The following GAREM1 variants were observed in gnomAD, a reference collection of about 807,000 sequenced individuals.
GAREM1 encodes the protein GRB2 associated regulator of MAPK1 subtype 1.
GAREM1 carries 26 observed loss-of-function variants against 71.3 expected under a neutral mutation model. The observed-to-expected ratio is 0.36, with a 90% CI of 0.27 to 0.51. The LOEUF (loss-of-function observed/expected upper bound fraction) is 0.51. Ranked by LOEUF, GAREM1 falls within the 20% of genes least tolerant of loss-of-function variation. The pLI, the probability that GAREM1 is intolerant of heterozygous loss-of-function variation, is 0.95. For missense variants in GAREM1, 1,026 were observed against 1,103.1 expected (o/e 0.93, Z 0.99); for synonymous variants, 440 against 433.2 (o/e 1.02, Z -0.20).
At chr18:32,398,536 C>T (rs2048280493) in intron 1 of GAREM1, among the ~76,000 whole-genome samples, 1 of 152,174 alleles carries the variant, frequency 6.6e-6, no homozygotes, top group African/African-American at 2.4e-5. Flanking sequence ...ATACTATAAA[C>T]ACCTCTATGC....
chr18:32,435,534 G>T (rs539446956), intron 1 of GAREM1, among the ~76,000 whole-genome samples: 21 of 152,134 alleles, frequency 1.4e-4, no homozygotes, highest in African/African-American at 4.6e-4. Flanking sequence ...ATCATTGGTA[G>T]ATTTTCCAAG....
intron 1 of GAREM1, among the ~76,000 whole-genome samples, chr18:32,397,742 A>AAC (rs1271505441): frequency 6.6e-6 from 1 of 152,118 alleles, no homozygotes; most frequent in South Asian, 2.1e-4. Flanking sequence ...TTAGACAGAT[A>AAC]GAGACAGAAA....
chr18:32,429,168 GC>G (rs2048601827), intron 1 of GAREM1, among the ~76,000 whole-genome samples: 1 of 152,090 alleles, frequency 6.6e-6, no homozygotes, highest in Admixed American at 6.6e-5. Flanking sequence ...AAAGGGAAAT[GC>G]CCTGTCTCAA....
intron 1 of GAREM1, among the ~76,000 whole-genome samples, chr18:32,452,278 C>G (rs533479021): frequency 5.5e-4 from 83 of 152,254 alleles, no homozygotes; most frequent in African/African-American, 1.7e-3. Context: ...TGTTGTAACA[C>G]CATCTGTCAT....
chr18:32,440,249 TG>T (rs1340772204), intron 1 of GAREM1, among the ~76,000 whole-genome samples: 2 of 152,164 alleles, frequency 1.3e-5, no homozygotes, highest in Non-Finnish European at 2.9e-5. Flanking sequence ...CTGAAGAAAG[TG>T]AGGTACAGAG....
intron 4 of GAREM1, among the ~76,000 whole-genome samples, chr18:32,278,649 C>A (rs1203925329): frequency 1.3e-5 from 2 of 152,200 alleles, no homozygotes; most frequent in African/African-American, 4.8e-5. Flanking sequence ...TCTTCCCACA[C>A]TCCCAGATAA....
chr18:32,347,568 C>T (rs2047708741), intron 2 of GAREM1, among the ~76,000 whole-genome samples: 1 of 152,094 alleles, frequency 6.6e-6, no homozygotes, highest in Admixed American at 6.5e-5. Flanking sequence ...ACAGTCTTTT[C>T]AAAGGCGAAC....
At chr18:32,413,376 G>A in intron 1 of GAREM1, 1 of 629,968 alleles carries the variant, frequency 1.6e-6, no homozygotes, top group East Asian at 2.7e-5. Context: ...AAATGTCAAT[G>A]CTGAAAACCT....
chr18:32,382,812 C>T (rs1258466195), intron 2 of GAREM1, among the ~76,000 whole-genome samples: 3 of 152,016 alleles, frequency 2.0e-5, no homozygotes, highest in Non-Finnish European at 4.4e-5. Flanking sequence ...AGACTCGCTG[C>T]ATAATTACTC....
At chr18:32,376,959 A>AT (rs2048036319) in intron 2 of GAREM1, among the ~76,000 whole-genome samples, 1 of 152,264 alleles carries the variant, frequency 6.6e-6, no homozygotes, top group Non-Finnish European at 1.5e-5. Context: ...TGTGTTAGCT[A>AT]TAACTCTTCT....
intron 1 of GAREM1, among the ~76,000 whole-genome samples, chr18:32,468,057 C>A (rs966821472): frequency 7.2e-5 from 11 of 152,194 alleles, no homozygotes; most frequent in African/African-American, 2.7e-4. Flanking sequence ...TGTGGGCAGA[C>A]TGATACTATC....
chr18:32,380,674 G>C (rs1189639542), intron 2 of GAREM1, among the ~76,000 whole-genome samples: 1 of 152,060 alleles, frequency 6.6e-6, no homozygotes, highest in Non-Finnish European at 1.5e-5. Flanking sequence ...CACAGAAGCT[G>C]TCCTGTGCAG....
chr18:32,448,938 T>C (rs2048808355), intron 1 of GAREM1, among the ~76,000 whole-genome samples: 1 of 152,182 alleles, frequency 6.6e-6, no homozygotes, highest in Non-Finnish European at 1.5e-5. Flanking sequence ...TCCTTGGTAT[T>C]TTTGCTTACA....
intron 4 of GAREM1, among the ~76,000 whole-genome samples, chr18:32,280,736 C>T (rs1040217683): frequency 2.6e-5 from 4 of 152,170 alleles, no homozygotes; most frequent in African/African-American, 9.7e-5. Context: ...ATTTTTAAAA[C>T]CAACTGTGTG....
At chr18:32,398,743 G>C (rs1328786663) in intron 1 of GAREM1, among the ~76,000 whole-genome samples, 1 of 152,124 alleles carries the variant, frequency 6.6e-6, no homozygotes, top group Non-Finnish European at 1.5e-5. Context: ...GAGGTACAAG[G>C]AGGAGCTGGT....
At chr18:32,377,725 G>C (rs2048045764) in intron 2 of GAREM1, among the ~76,000 whole-genome samples, 1 of 152,046 alleles carries the variant, frequency 6.6e-6, no homozygotes, top group Admixed American at 6.5e-5. Flanking sequence ...CACCACACCT[G>C]GCTAATTTTT....
At chr18:32,368,342 T>C (rs901798066) in intron 2 of GAREM1, among the ~76,000 whole-genome samples, 1 of 152,214 alleles carries the variant, frequency 6.6e-6, no homozygotes, top group African/African-American at 2.4e-5. Flanking sequence ...CTGCTGCTAA[T>C]GAGGAGCCAT....
At chr18:32,327,259 C>T (rs2047482849) in intron 2 of GAREM1, among the ~76,000 whole-genome samples, 1 of 151,996 alleles carries the variant, frequency 6.6e-6, no homozygotes, top group South Asian at 2.1e-4. Flanking sequence ...TATTTAAGAA[C>T]CTATACAGAT....
chr18:32,459,156 G>C (rs1265044841), intron 1 of GAREM1, among the ~76,000 whole-genome samples: 2 of 152,014 alleles, frequency 1.3e-5, no homozygotes, highest in African/African-American at 4.8e-5. Context: ...TATACAATTT[G>C]GTCATTTATA....
Sources: allele counts gnomAD v4.1 joint callset (sites outside exome capture counted in the v4.1 genomes callset), GRCh38; gene constraint gnomAD v4.1.1; transcripts MANE v1.5; gene names NCBI Gene and HGNC (gene_info 2026-07-23, HGNC 2026-07-21).